The following MED26 variants were observed in gnomAD, a reference collection of about 807,000 sequenced individuals.
MED26 encodes the protein mediator complex subunit 26, also known as mediator of RNA polymerase II transcription subunit 26.
A neutral mutation model predicts 43.7 loss-of-function variants in MED26; 7 were observed. The ratio of observed to expected loss-of-function variants is 0.16; its 90% CI spans 0.09 to 0.30. The LOEUF is 0.30. Among genes scored for constraint, MED26 ranks in the 10% least tolerant of loss-of-function variants. The pLI is 1.00. For synonymous variants in MED26, 375 were observed against 371.1 expected (o/e 1.01, Z -0.12); for missense variants, 784 against 840.6 (o/e 0.93, Z 0.83).
intron 1 of MED26, among the ~76,000 whole-genome samples, chr19:16,603,517 C>G (rs2086159219): frequency 6.6e-6 from 1 of 152,162 alleles, no homozygotes; most frequent in Non-Finnish European, 1.5e-5. Flanking sequence ...CCACACTATG[C>G]TGATGTATCA....
At chr19:16,593,178 C>T (rs184431258) in intron 1 of MED26, among the ~76,000 whole-genome samples, 6 of 152,348 alleles carry the variant, frequency 3.9e-5, no homozygotes, top group Admixed American at 3.9e-4. Context: ...TGCCGAGGTG[C>T]CTATCCGAAG....
At position 16,575,924 on chromosome 19, in the gene MED26, T is replaced by C; in HGVS notation, c.*103A>G. ...TCCCGCCTGGGCCGGACTCCCCGAGTTCCCAGCGCAGGAGGCAGCTGGGCC... is the reference window on the plus strand; with the variant it reads ...TCCCGCCTGGGCCGGACTCCCCGAGCTCCCAGCGCAGGAGGCAGCTGGGCC... On this transcript the variant is annotated 3_prime_UTR_variant, in exon 3 of 3. Coordinates refer to ENST00000263390, the MANE Select transcript of MED26 (RefSeq NM_004831.5). The C allele has an allele frequency of 9.4e-7, 1 of 1,061,708 alleles. No individual in the cohort carries two copies. Among genetic ancestry groups the C allele is most frequent in the East Asian group, 2.6e-5 (1 of 38,632 alleles). 65.8% of individuals were successfully genotyped at this position (1,061,708 alleles called of 1,614,324 possible). A position where few individuals can be genotyped will look rare whatever the true frequency, so the allele number is the denominator to read the frequency against.
intron 1 of MED26, among the ~76,000 whole-genome samples, chr19:16,615,958 G>T (rs112978434): frequency 6.6e-6 from 1 of 152,190 alleles, no homozygotes; most frequent in East Asian, 1.9e-4. Context: ...CACAGGCTCT[G>T]ATTGGGTCAC....
chr19:16,621,578 T>C (rs2086251742), intron 1 of MED26, among the ~76,000 whole-genome samples: 1 of 152,156 alleles, frequency 6.6e-6, no homozygotes, highest in African/African-American at 2.4e-5. Context: ...GGATGTGAGT[T>C]CCCAGAGGGC....
At chr19:16,619,644 G>A (rs2086242408) in intron 1 of MED26, among the ~76,000 whole-genome samples, 1 of 152,198 alleles carries the variant, frequency 6.6e-6, no homozygotes, top group Non-Finnish European at 1.5e-5. Context: ...CCAGCCCACT[G>A]GGCTCTCGGT....
intron 1 of MED26, among the ~76,000 whole-genome samples, chr19:16,592,219 C>G: frequency 6.6e-6 from 1 of 152,202 alleles, no homozygotes. Flanking sequence ...TGTGACTCAT[C>G]CAATCCCTCT....
intron 1 of MED26, chr19:16,610,499 TCTC>T (rs1568288202): frequency 6.6e-6 from 1 of 151,924 alleles, no homozygotes; most frequent in African/African-American, 2.4e-5. Context: ...TTCAAGCAAT[TCTC>T]CTGCCTCAGC....
Position 16,623,399 on chromosome 19 carries a change from T to C in MED26, c.72+4473A>G, listed in dbSNP as rs114582893. 5.9e-3 allele frequency among the ~76,000 whole-genome samples: 896 copies of C among 152,340 alleles called. 5 individuals carry two copies. Among genetic ancestry groups the C allele is most frequent in the African/African-American group, 0.02 (840 of 41,580 alleles). On this transcript the variant is annotated intron_variant, in intron 1 of 2. Transcript: ENST00000263390. ...GGATAGGGTCAGAATCAAGAGTCCT[T>C]CATTTTGCAATTTACACCATTCTGC...
At chr19:16,612,978 G>A (rs1269883811) in intron 1 of MED26, among the ~76,000 whole-genome samples, 5 of 152,158 alleles carry the variant, frequency 3.3e-5, no homozygotes, top group African/African-American at 9.7e-5. Context: ...TCATCTAGGG[G>A]TGTAATACCC....
At chr19:16,624,595 G>A (rs765369342) in intron 1 of MED26, 2 of 152,172 alleles carry the variant, frequency 1.3e-5, no homozygotes, top group East Asian at 1.9e-4. Flanking sequence ...ACTATTCGTC[G>A]GACCTTTCCT....
chr19:16,598,293 C>T (rs556451454), intron 1 of MED26, among the ~76,000 whole-genome samples: 5 of 145,736 alleles, frequency 3.4e-5, no homozygotes, highest in African/African-American at 7.5e-5. Context: ...GCTGAGATCA[C>T]GCCATTGCAC....
At chr19:16,598,918 A>AT (rs796831025) in intron 1 of MED26, among the ~76,000 whole-genome samples, 30 of 151,360 alleles carry the variant, frequency 2.0e-4, no homozygotes, top group African/African-American at 6.6e-4. Flanking sequence ...AACAAAAGTA[A>AT]TAAAAAAAAC....
intron 1 of MED26, among the ~76,000 whole-genome samples, chr19:16,602,870 G>T (rs2086156155): frequency 1.3e-5 from 2 of 152,168 alleles, no homozygotes; most frequent in African/African-American, 4.8e-5. Flanking sequence ...AACAGAGCTC[G>T]GTTTTGCAAG....
chr19:16,578,267 G>T, intron 2 of MED26, 68 bp downstream of exon 2: 1 of 1,397,850 alleles, frequency 7.2e-7, no homozygotes, highest in Non-Finnish European at 1.0e-6. Flanking sequence ...AGCTGCGGAA[G>T]GACCTGGTTG....
At chr19:16,593,011 C>T (rs1034921758) in intron 1 of MED26, among the ~76,000 whole-genome samples, 4 of 152,198 alleles carry the variant, frequency 2.6e-5, no homozygotes, top group Non-Finnish European at 4.4e-5. Flanking sequence ...GCTTGGCTGG[C>T]GCCGACTCTG....
intron 1 of MED26, among the ~76,000 whole-genome samples, chr19:16,579,310 A>C (rs1012936166): frequency 6.6e-6 from 1 of 152,210 alleles, no homozygotes; most frequent in African/African-American, 2.4e-5. Flanking sequence ...CACGGCAATG[A>C]AATGTCAGTG....
At chr19:16,590,454 T>C (rs1476113366) in intron 1 of MED26, among the ~76,000 whole-genome samples, 1 of 152,224 alleles carries the variant, frequency 6.6e-6, no homozygotes, top group Non-Finnish European at 1.5e-5. Flanking sequence ...AAGAAATGCC[T>C]CTTCTACTCC....
In MED26 at chr19:16,576,070, T is replaced by C. The variant is rs370273828; in HGVS notation, c.1760A>G (p.Asp587Gly). The C allele has an allele frequency of 3.7e-6, 6 of 1,613,644 alleles. No individual in the cohort carries two copies. Among genetic ancestry groups the C allele is most frequent in the East Asian group, 2.2e-5 (1 of 44,866 alleles). The change falls in exon 3 of 3, where the codon GAC becomes GGC. Residue 587 changes from aspartate (D) to glycine (G), a missense_variant. Coordinates refer to ENST00000263390, the MANE Select transcript of MED26 (RefSeq NM_004831.5). The surrounding 1 kb of genome is among the most constrained non-coding windows in gnomAD (Gnocchi z 6.8). Reference protein sequence around the residue: ...TQCISLDPHGDDGRLNILPYV... With the variant: ...TQCISLDPHGGDGRLNILPYV... Reference sequence around the variant, plus strand: ...AGGCAGAATGTTCAAGCGCCCGTCGTCGCCGTGCGGATCGAGCGATATGCA... The same window carrying C: ...AGGCAGAATGTTCAAGCGCCCGTCGCCGCCGTGCGGATCGAGCGATATGCA...
chr19:16,625,315 G>A (rs907624703), intron 1 of MED26, among the ~76,000 whole-genome samples: 2 of 152,190 alleles, frequency 1.3e-5, no homozygotes, highest in African/African-American at 4.8e-5. Flanking sequence ...TTCCTCCTAA[G>A]AATTCCTTTG....
Sources: gnomAD v4.1 joint callset for allele counts (sites outside exome capture counted in the v4.1 genomes callset) on GRCh38, gnomAD v4.1.1 for gene constraint, Gnocchi (gnomAD v3.1) non-coding constraint, MANE v1.5 for transcripts, NCBI Gene and HGNC (gene_info 2026-07-23, HGNC 2026-07-21) for gene names.